Variants in RASGRP2 observed in about 807,000 individuals in gnomAD.
RASGRP2 encodes RAS guanyl releasing protein 2.
A neutral mutation model predicts 71.0 loss-of-function variants in RASGRP2; 44 were observed. That is an observed-to-expected ratio of 0.62 (90% CI 0.49 to 0.80). The LOEUF is 0.80. Ranked by LOEUF, RASGRP2 falls within the 30% of genes least tolerant of loss-of-function variation. The pLI is 0.00. For missense variants in RASGRP2, 663 were observed against 813.4 expected (o/e 0.82, Z 2.25); for synonymous variants, 350 against 330.7 (o/e 1.06, Z -0.63).
At position 64,735,559 on chromosome 11, in the gene RASGRP2, T is replaced by C. The variant is rs2057905677; in HGVS notation, c.1279A>G (p.Ile427Val). 1.9e-6 allele frequency: 3 copies of C among 1,614,068 alleles called. No homozygotes were observed. The highest frequency in any genetic ancestry group is 1.7e-6 in the Non-Finnish European group (2 of 1,179,960). The change falls in exon 11 of 17, where the codon ATC becomes GTC. Residue 427 changes from isoleucine (I) to valine (V), a missense_variant. Transcript: ENST00000394432. The surrounding 1 kb of genome is among the most constrained non-coding windows in gnomAD (Gnocchi z 4.2). The part of the protein sequence containing the change: ...KLDQALVVEH[I>V]EKMVESVFRN... ...GAGCTCACCTCCACCATCTTCTCGATGTGCTCCACCACGAGGGCCTGATCC... is the reference window on the plus strand; with the variant it reads ...GAGCTCACCTCCACCATCTTCTCGACGTGCTCCACCACGAGGGCCTGATCC...
chr11:64,734,286 T>G (rs2057860524), intron 12 of RASGRP2, among the ~76,000 whole-genome samples: 2 of 151,630 alleles, frequency 1.3e-5, no homozygotes, highest in South Asian at 4.2e-4. Context: ...CACTCCAGCC[T>G]GGGCAACAGA....
intron 3 of RASGRP2, 121 bp downstream of exon 3, chr11:64,741,888 TG>T: frequency 1.1e-6 from 1 of 879,364 alleles, no homozygotes. Context: ...GGACGACGCC[TG>T]AGCTCTGGGA....
chr11:64,734,296 A>T (rs2057860931), intron 12 of RASGRP2, among the ~76,000 whole-genome samples: 1 of 151,384 alleles, frequency 6.6e-6, no homozygotes, highest in South Asian at 2.1e-4. Flanking sequence ...TGGGCAACAG[A>T]GTGAGACTCT....
rs768230608 is a variant in RASGRP2 at position 64,736,871 on chromosome 11, C to A, written c.977G>T (p.Arg326Leu). Residue 326 changes from arginine (R) to leucine (L), a missense_variant, in exon 9 of 17, where the codon CGG becomes CTG. Coordinates refer to ENST00000394432, the MANE Select transcript of RASGRP2 (RefSeq NM_001098671.2). ...CATCTTGGCCCCGTTGAGCCGGGTC[C>A]GGGCTGGGTCCAGCCAGTCAGGCAG... Reference protein sequence around the residue: ...LALPDWLDPARTRLNGAKMKQ... With the variant: ...LALPDWLDPALTRLNGAKMKQ... 3.7e-6 allele frequency: 6 copies of A among 1,613,726 alleles called. No individual in the cohort carries two copies. The highest frequency in any genetic ancestry group is 4.2e-6 in the Non-Finnish European group (5 of 1,180,018).
Position 64,739,985 on chromosome 11 carries a change from C to G in RASGRP2, c.522+28G>C. ...AACTCTCTTCCAGCCCACATTGGAC[C>G]CCTGACCCCCCAGCCCTCGGGCCGC... is the stretch of plus-strand genomic sequence containing the variant. On this transcript the variant is annotated intron_variant, in intron 6 of 16. Coordinates refer to ENST00000394432, the MANE Select transcript of RASGRP2 (RefSeq NM_001098671.2). The surrounding 1 kb of genome is among the most constrained non-coding windows in gnomAD (Gnocchi z 4.2). The G allele has an allele frequency of 6.2e-7, 1 of 1,613,974 alleles. No individual in the cohort carries two copies. Among genetic ancestry groups the G allele is most frequent in the Non-Finnish European group, 8.5e-7 (1 of 1,180,004 alleles).
rs1472032952 is a variant in RASGRP2 at position 64,736,980 on chromosome 11, G to A, written c.868C>T (p.Arg290Trp). 10 of 1,613,886 alleles carry A rather than the reference G, an allele frequency of 6.2e-6. No homozygotes were observed. Among genetic ancestry groups the A allele is most frequent in the African/African-American group, 4.0e-5 (3 of 75,050 alleles). The change falls in exon 9 of 17, where the codon CGG (arginine) becomes TGG (tryptophan). Residue 290 changes from arginine (R) to tryptophan (W), a missense_variant. Arg to Trp is a moderately radical substitution (Grantham distance 101). Coordinates refer to ENST00000394432, the MANE Select transcript of RASGRP2 (RefSeq NM_001098671.2). ...CCCACACAGGCTGCCAGCCGACGCC[G>A]GTAGTTGCCATAGTTGCCTGTCGCC... ...VTATGNYGNYRRRLAACVGFR... is the reference protein window; with the variant it reads ...VTATGNYGNYWRRLAACVGFR...
At chr11:64,732,297 C>T (rs2057787842) in intron 12 of RASGRP2, among the ~76,000 whole-genome samples, 1 of 152,194 alleles carries the variant, frequency 6.6e-6, no homozygotes, top group Non-Finnish European at 1.5e-5. Context: ...GTGGGCAGAT[C>T]ACCTGAGGTG....
At chr11:64,733,873 G>C (rs1181432396) in intron 12 of RASGRP2, among the ~76,000 whole-genome samples, 1 of 145,040 alleles carries the variant, frequency 6.9e-6, no homozygotes, top group Non-Finnish European at 1.5e-5. Context: ...TTTTTGATGG[G>C]GGTGATCTCG....
At chr11:64,730,313 G>T in intron 12 of RASGRP2, 119 bp from the exon 13 acceptor site, 1 of 1,317,154 alleles carries the variant, frequency 7.6e-7, no homozygotes, top group Non-Finnish European at 1.1e-6. Flanking sequence ...GACTCCTGTT[G>T]CAGAGTAAAG....
chr11:64,735,420 G>T lies in RASGRP2; in HGVS notation c.1296+122C>A. ...CAGCCCCGTGCAGCTGGCCTGCCAG[G>T]CCCTGTGACTCCTAGGGGCTGAGTG... On this transcript the variant is annotated intron_variant, in intron 11 of 16. Transcript: ENST00000394432. The surrounding 1 kb of genome is among the most constrained non-coding windows in gnomAD (Gnocchi z 4.2). 6.4e-7 allele frequency: 1 copy of T among 1,553,466 alleles called. No individual in the cohort carries two copies. Among genetic ancestry groups the T allele is most frequent in the Non-Finnish European group, 8.8e-7 (1 of 1,133,716 alleles).
Position 64,727,308 on chromosome 11 carries a change from G to T in RASGRP2, c.1824C>A (p.His608Gln). The part of the protein sequence containing the change: ...QTVEDGVFDI[H>Q]L ...TGGGAGGACTCACCATCTATTACAA[G>T]TGGATGTCAAACACCCCATCCTCCA... Residue 608 changes from histidine to glutamine, a missense_variant, in exon 16 of 17, where the codon CAC (histidine) becomes CAA (glutamine). His to Gln is a conservative substitution (Grantham distance 24, BLOSUM62 0). Transcript: ENST00000394432. 1 of 1,613,712 alleles carries T rather than the reference G, an allele frequency of 6.2e-7. No homozygotes were observed. The highest frequency in any genetic ancestry group is 8.5e-7 in the Non-Finnish European group (1 of 1,179,786).
rs1453382163 is a variant in RASGRP2, at chr11:64,743,704, G to A, written c.-72+299C>T. On this transcript the variant is annotated intron_variant, in intron 1 of 16. Transcript: ENST00000394432. The surrounding 1 kb of genome is among the most constrained non-coding windows in gnomAD (Gnocchi z 4.9). The stretch of plus-strand genomic sequence containing the variant: ...ACCCTGGCCCCGGCCCCGCACAGGC[G>A]AACTGTGAGCGCGCACGGAGCAGGG... The A allele has an allele frequency of 2.7e-5, 10 of 370,484 alleles. No individual in the cohort carries two copies. The highest frequency in any genetic ancestry group is 1.4e-4 in the South Asian group (7 of 50,782). 22.9% of individuals were successfully genotyped at this position (370,484 alleles called of 1,614,324 possible).
Position 64,741,521 on chromosome 11 carries a change from A to C in RASGRP2, c.177-20T>G. ...TGGTAGGTGAAGGAGAGGGTTAAGGAGGCCGCTTAACTCTAGAAAGGGAGG... is the reference window on the plus strand; with the variant it reads ...TGGTAGGTGAAGGAGAGGGTTAAGGCGGCCGCTTAACTCTAGAAAGGGAGG... On this transcript the variant is annotated intron_variant, in intron 3 of 16. Transcript: ENST00000394432. The C allele has an allele frequency of 6.4e-7, 1 of 1,555,412 alleles. No homozygotes were observed. The highest frequency in any genetic ancestry group is 8.8e-7 in the Non-Finnish European group (1 of 1,142,582).
At chr11:64,740,836 T>A (rs543090624) in intron 5 of RASGRP2, 112 bp downstream of exon 5, 2 of 1,456,782 alleles carry the variant, frequency 1.4e-6, no homozygotes, top group Non-Finnish European at 1.9e-6. Context: ...GGAAGGTTTT[T>A]AAGCGAGAGA....
At position 64,735,897 on chromosome 11, in the gene RASGRP2, C is replaced by G; in HGVS notation, c.1173+6G>C. On this transcript the variant is annotated splice_donor_region_variant and intron_variant, in intron 10 of 16. Transcript: ENST00000394432. The surrounding 1 kb of genome is among the most constrained non-coding windows in gnomAD (Gnocchi z 4.2). ...GCAGAGTGGAGAGGAGGGAGTACCC[C>G]CTCACCGAGGACTTGGAGCGCGGCT... The G allele has an allele frequency of 3.1e-6, 5 of 1,613,140 alleles. No individual in the cohort carries two copies. Among genetic ancestry groups the G allele is most frequent in the Non-Finnish European group, 4.2e-6 (5 of 1,179,492 alleles).
chr11:64,740,202 C>T (rs1197913147), intron 5 of RASGRP2, 39 bp from the exon 6 acceptor site: 15 of 1,613,080 alleles, frequency 9.3e-6, no homozygotes, highest in South Asian at 3.3e-5. Context: ...GCTGGACATG[C>T]GCATGACTCG....
chr11:64,740,215 G>GC (rs1278608417), intron 5 of RASGRP2, 52 bp from the exon 6 acceptor site: 7 of 1,607,770 alleles, frequency 4.4e-6, no homozygotes, highest in Non-Finnish European at 5.1e-6. Context: ...ATGACTCGTG[G>GC]CCCCCCACTC....
In RASGRP2 at chr11:64,742,016, A is replaced by C. The variant is rs2058141380; in HGVS notation, c.170T>G (p.Leu57Arg). Residue 57 changes from leucine (L) to arginine (R), a missense_variant, in exon 3 of 17, where the codon CTC (leucine) becomes CGC (arginine). By Grantham distance (102) the Leu-to-Arg change is moderately radical. Transcript: ENST00000394432. This position sits in a 1 kb window ranked among gnomAD's most constrained non-coding sequence, Gnocchi z 4.7. ...CAAGGCCGGCGAAGGATATATGTGGAGCAGCTTGGCCGCCAGCTGAGAGGA... is the reference window on the plus strand; with the variant it reads ...CAAGGCCGGCGAAGGATATATGTGGCGCAGCTTGGCCGCCAGCTGAGAGGA... ...IPSSQLAAKL[L>R]HIYQQSRKDN... is the part of the protein sequence containing the mutation. 7 of 1,608,960 alleles carry C rather than the reference A, an allele frequency of 4.4e-6. No individual in the cohort carries two copies. In the South Asian group the frequency reaches 7.7e-5, roughly 18 times the overall value.
chr11:64,734,071 G>C (rs11231863), intron 12 of RASGRP2, among the ~76,000 whole-genome samples: 3,531 of 151,846 alleles, frequency 0.023, 122 homozygotes, highest in African/African-American at 0.078. Flanking sequence ...TAGCACTTTG[G>C]GGGGCCAAGG....
Sources: allele counts gnomAD v4.1 joint callset (sites outside exome capture counted in the v4.1 genomes callset), GRCh38; gene constraint gnomAD v4.1.1; non-coding constraint Gnocchi (gnomAD v3.1); transcripts MANE v1.5; gene names NCBI Gene and HGNC (gene_info 2026-07-23, HGNC 2026-07-21).